Variants in GALNTL6 observed in about 807,000 individuals in gnomAD.
GALNTL6 encodes polypeptide N-acetylgalactosaminyltransferase like 6, also known as polypeptide N-acetylgalactosaminyltransferase-like 6.
Under a neutral mutation model 73.7 loss-of-function variants are expected in GALNTL6, and 46 were observed. The observed-to-expected ratio is 0.62, with a 90% CI of 0.49 to 0.80. The LOEUF is 0.80. GALNTL6 is among the 30% of genes least tolerant of loss of function. The probability of loss-of-function intolerance (pLI) is 0.00; values close to 1 mark genes in which losing one functional copy is unlikely to be tolerated. For synonymous variants in GALNTL6, 259 were observed against 263.7 expected, an observed-to-expected ratio of 0.98 and a Z score of 0.17; for missense variants, 604 against 755.0, an observed-to-expected ratio of 0.80 and a Z score of 2.34.
At chr4:172,933,992 C>A (rs993319640) in intron 9 of GALNTL6, among the ~76,000 whole-genome samples, 1 of 152,162 alleles carries the variant, frequency 6.6e-6, no homozygotes, top group African/African-American at 2.4e-5. Context: ...CCTTAAACAG[C>A]CTACTGGTTG....
At chr4:172,821,064 A>T (rs1329207793) in intron 7 of GALNTL6, among the ~76,000 whole-genome samples, 1 of 152,144 alleles carries the variant, frequency 6.6e-6, no homozygotes, top group East Asian at 1.9e-4. Context: ...ATTTCATGAA[A>T]CCTATGTAGT....
At chr4:172,690,186 T>C (rs1421418774) in intron 5 of GALNTL6, among the ~76,000 whole-genome samples, 1 of 152,204 alleles carries the variant, frequency 6.6e-6, no homozygotes. Flanking sequence ...TTTCATTTTT[T>C]CTGAGGAAGA....
intron 3 of GALNTL6, among the ~76,000 whole-genome samples, chr4:172,254,353 G>A (rs1425407094): frequency 6.6e-6 from 1 of 151,700 alleles, no homozygotes; most frequent in Non-Finnish European, 1.5e-5. Flanking sequence ...AAAGAGGGAG[G>A]CCATCTTTTA....
chr4:172,711,080 A>G (rs1398235177), intron 5 of GALNTL6, among the ~76,000 whole-genome samples: 1 of 152,140 alleles, frequency 6.6e-6, no homozygotes, highest in Non-Finnish European at 1.5e-5. Context: ...AATTTTGGGA[A>G]GTGTTCTAGG....
At chr4:172,868,842 T>C (rs1048589775) in intron 7 of GALNTL6, among the ~76,000 whole-genome samples, 26 of 152,218 alleles carry the variant, frequency 1.7e-4, no homozygotes, top group African/African-American at 6.0e-4. Flanking sequence ...TCAGCACTCT[T>C]TCCTTTTCAC....
Position 172,382,774 on chromosome 4 carries a change from T to C in GALNTL6, c.553+34085T>C, listed in dbSNP as rs532613854. ...TCCAATTTAGGTTCATTTTTGCCTATTGTGTGAAATAGGGGGTCCAAATAA... is the reference window on the plus strand; with the variant it reads ...TCCAATTTAGGTTCATTTTTGCCTACTGTGTGAAATAGGGGGTCCAAATAA... On this transcript the variant is annotated intron_variant, in intron 5 of 12. Transcript: ENST00000506823. Among the ~76,000 whole-genome samples the C allele has an allele frequency of 8.6e-4, 131 of 152,118 alleles. 1 individual carries two copies. The highest frequency in any genetic ancestry group is 1.4e-3 in the Non-Finnish European group (94 of 68,000).
intron 2 of GALNTL6, among the ~76,000 whole-genome samples, chr4:172,106,475 G>C (rs1732677968): frequency 6.6e-6 from 1 of 152,018 alleles, no homozygotes; most frequent in Non-Finnish European, 1.5e-5. Context: ...CTAGGTAATA[G>C]ATACTTTTTC....
rs58279803 is a variant in GALNTL6 at position 172,658,149 on chromosome 4, C to CAAAAAAAAAAA, written c.554-151202_554-151192dup. On this transcript the variant is annotated intron_variant, in intron 5 of 12. Coordinates refer to ENST00000506823, the MANE Select transcript of GALNTL6 (RefSeq NM_001034845.3). ...TGGGTGACAGAGCGAGACTCCGTCT[C>CAAAAAAAAAAA]AAAAAAAAAAAAAAAAAAAAGAAAT... 1.0e-2 allele frequency among the ~76,000 whole-genome samples: 50 copies of CAAAAAAAAAAA among 5,018 alleles called. 4 individuals carry two copies. Among genetic ancestry groups the CAAAAAAAAAAA allele is most frequent in the East Asian group, 0.032 (3 of 94 alleles). 3.3% of individuals were successfully genotyped at this position (5,018 alleles called of 152,430 possible). A position where few individuals can be genotyped will look rare whatever the true frequency, so the allele number is the denominator to read the frequency against.
chr4:172,943,237 G>A (rs745798575), intron 9 of GALNTL6, among the ~76,000 whole-genome samples: 42 of 151,944 alleles, frequency 2.8e-4, no homozygotes, highest in Non-Finnish European at 5.4e-4. Flanking sequence ...GGCCCATGTC[G>A]CAGAAAGCAA....
intron 5 of GALNTL6, among the ~76,000 whole-genome samples, chr4:172,732,399 C>A (rs1373768686): frequency 1.3e-5 from 2 of 152,072 alleles, no homozygotes; most frequent in Non-Finnish European, 2.9e-5. Context: ...CCTTTTCCAT[C>A]CTCTCTAGTT....
chr4:172,269,914 G>C (rs1402073567), intron 3 of GALNTL6, among the ~76,000 whole-genome samples: 1 of 151,980 alleles, frequency 6.6e-6, no homozygotes, highest in African/African-American at 2.4e-5. Flanking sequence ...ACCATGGCCA[G>C]CTAATTTTTT....
At chr4:172,590,694 T>TA (rs1171532605) in intron 5 of GALNTL6, among the ~76,000 whole-genome samples, 2 of 152,318 alleles carry the variant, frequency 1.3e-5, no homozygotes, top group South Asian at 4.1e-4. Flanking sequence ...TTTTAATACT[T>TA]AAAATCCATC....
chr4:171,936,131 C>T (rs1738338418), intron 2 of GALNTL6, among the ~76,000 whole-genome samples: 1 of 152,074 alleles, frequency 6.6e-6, no homozygotes, highest in Admixed American at 6.5e-5. Flanking sequence ...TTTTAATGAA[C>T]AAAGTAACGT....
chr4:172,579,224 C>T (rs2110968459), intron 5 of GALNTL6, among the ~76,000 whole-genome samples: 1 of 152,310 alleles, frequency 6.6e-6, no homozygotes, highest in African/African-American at 2.4e-5. Flanking sequence ...TAACACATTT[C>T]AAGTGCTTAC....
intron 5 of GALNTL6, among the ~76,000 whole-genome samples, chr4:172,372,959 G>T (rs1742875063): frequency 6.6e-6 from 1 of 152,092 alleles, no homozygotes; most frequent in East Asian, 1.9e-4. Flanking sequence ...TATTTCACCT[G>T]CTGCAGGCAA....
chr4:172,651,866 T>C (rs1196092304), intron 5 of GALNTL6, among the ~76,000 whole-genome samples: 3 of 152,180 alleles, frequency 2.0e-5, no homozygotes, highest in Non-Finnish European at 4.4e-5. Flanking sequence ...TCTGAAAATT[T>C]GAACCATAAA....
At chr4:171,942,241 G>GATAGATAAATAAATAA (rs1370018816) in intron 2 of GALNTL6, among the ~76,000 whole-genome samples, 176 of 30,200 alleles carry the variant, frequency 5.8e-3, no homozygotes, top group Admixed American at 0.012. Context: ...AAAATAAATA[G>GATAGATAAATAAATAA]ATAAATAAAT....
chr4:172,943,399 C>T (rs1192023445), intron 9 of GALNTL6, among the ~76,000 whole-genome samples: 1 of 152,142 alleles, frequency 6.6e-6, no homozygotes, highest in Admixed American at 6.6e-5. Context: ...AAATCTGATC[C>T]GGATTGTACA....
chr4:172,990,153 G>A (rs1232154346), intron 10 of GALNTL6, among the ~76,000 whole-genome samples: 1 of 152,176 alleles, frequency 6.6e-6, no homozygotes, highest in Non-Finnish European at 1.5e-5. Flanking sequence ...CTGAAAGCAT[G>A]TCATTCCAAT....
Sources: allele counts gnomAD v4.1 joint callset (sites outside exome capture counted in the v4.1 genomes callset), GRCh38; gene constraint gnomAD v4.1.1; transcripts MANE v1.5; gene names NCBI Gene and HGNC (gene_info 2026-07-23, HGNC 2026-07-21).